The following FMN2 variants were observed in gnomAD, a reference collection of about 807,000 sequenced individuals.
FMN2 encodes the protein formin-2.
FMN2 carries 51 observed loss-of-function variants against 142.3 expected under a neutral mutation model. That is an observed-to-expected ratio of 0.36 (90% CI 0.29 to 0.45). The LOEUF (loss-of-function observed/expected upper bound fraction) is 0.45. Ranked by LOEUF, FMN2 falls within the 20% of genes least tolerant of loss-of-function variation. FMN2 has a pLI of 1.00. For synonymous variants in FMN2, 882 were observed against 869.8 expected (o/e 1.01, Z -0.25); for missense variants, 1,936 against 2,122.8 (o/e 0.91, Z 1.73).
intron 7 of FMN2, among the ~76,000 whole-genome samples, chr1:240,283,079 T>C (rs1669456237): frequency 6.6e-6 from 1 of 152,216 alleles, no homozygotes; most frequent in African/African-American, 2.4e-5. Flanking sequence ...CTATGCTTTA[T>C]TGAGTTTCAA....
At chr1:240,413,398 G>A (rs1674480006) in intron 15 of FMN2, among the ~76,000 whole-genome samples, 2 of 151,988 alleles carry the variant, frequency 1.3e-5, no homozygotes, top group African/African-American at 4.8e-5. Flanking sequence ...GAGAACTGAA[G>A]AGCATCCTGG....
At chr1:240,270,659 A>T (rs553475416) in intron 7 of FMN2, among the ~76,000 whole-genome samples, 5 of 152,230 alleles carry the variant, frequency 3.3e-5, no homozygotes, top group Admixed American at 6.6e-5. Flanking sequence ...AAATACAATT[A>T]AAAAACTAGG....
chr1:240,344,507 T>C (rs976140476), intron 13 of FMN2, among the ~76,000 whole-genome samples: 1 of 152,238 alleles, frequency 6.6e-6, no homozygotes, highest in Non-Finnish European at 1.5e-5. Flanking sequence ...AACATGTATG[T>C]GTACTCTATT....
chr1:240,248,027 C>G (rs1668136225), intron 6 of FMN2, among the ~76,000 whole-genome samples: 2 of 152,062 alleles, frequency 1.3e-5, no homozygotes. Flanking sequence ...TCACCCTCCT[C>G]TATCATTAGA....
chr1:240,103,937 T>C (rs146851906), intron 1 of FMN2, among the ~76,000 whole-genome samples: 2,370 of 151,864 alleles, frequency 0.016, 66 homozygotes, highest in African/African-American at 0.054. Context: ...AGTGCAGTGG[T>C]GCGATCTCGG....
At chr1:240,278,407 A>G (rs553764129) in intron 7 of FMN2, among the ~76,000 whole-genome samples, 1 of 152,268 alleles carries the variant, frequency 6.6e-6, no homozygotes, top group Admixed American at 6.5e-5. Flanking sequence ...AATACGATGA[A>G]GTCTGGGGAG....
chr1:240,134,610 C>A (rs527817132), intron 2 of FMN2, among the ~76,000 whole-genome samples: 5 of 152,018 alleles, frequency 3.3e-5, no homozygotes, highest in African/African-American at 1.2e-4. Flanking sequence ...TAGAGTGAGA[C>A]CCTGTCCCAC....
At chr1:240,170,972 G>A in intron 2 of FMN2, 1 of 792,372 alleles carries the variant, frequency 1.3e-6, no homozygotes, top group Non-Finnish European at 2.3e-6. Context: ...TCCTTTGAAT[G>A]TATTAGGAAT....
At chr1:240,210,967 C>G in intron 5 of FMN2, 124 bp from the exon 6 acceptor site, 1 of 800,028 alleles carries the variant, frequency 1.2e-6, no homozygotes, top group Non-Finnish European at 1.9e-6. Flanking sequence ...CTTCTTATCT[C>G]TCTTCTTTTT....
chr1:240,343,937 G>A (rs1225244498), intron 13 of FMN2, among the ~76,000 whole-genome samples: 1 of 152,142 alleles, frequency 6.6e-6, no homozygotes, highest in Non-Finnish European at 1.5e-5. Context: ...GGCATTTCAG[G>A]TAGAGGAAAT....
Position 240,134,522 on chromosome 1 carries a change from G to A in FMN2, c.1782+11177G>A, listed in dbSNP as rs149941585. Among the ~76,000 whole-genome samples, 1,365 of 152,200 alleles carry A rather than the reference G, an allele frequency of 9.0e-3. 22 individuals are homozygous for A. Among genetic ancestry groups the A allele is most frequent in the African/African-American group, 0.031 (1,284 of 41,504 alleles). ...CACCTGTAGTCCCAGCTATTGGAGA[G>A]GTGGGAGGATCACTTGAGCCTGGGA... On this transcript the variant is annotated intron_variant, in intron 2 of 17. Coordinates refer to ENST00000319653, the MANE Select transcript of FMN2 (RefSeq NM_020066.5).
At chr1:240,310,147 A>G (rs551893457) in intron 8 of FMN2, among the ~76,000 whole-genome samples, 289 of 152,358 alleles carry the variant, frequency 1.9e-3, no homozygotes, top group Non-Finnish European at 3.3e-3. Flanking sequence ...AAAAATAAAC[A>G]TATTTAAACT....
At chr1:240,109,830 A>G (rs1381245773) in intron 1 of FMN2, among the ~76,000 whole-genome samples, 1 of 152,166 alleles carries the variant, frequency 6.6e-6, no homozygotes, top group Non-Finnish European at 1.5e-5. Flanking sequence ...CTACAAGAGT[A>G]TGCCAGCTAC....
chr1:240,437,111 T>C (rs28736612), intron 15 of FMN2, among the ~76,000 whole-genome samples: 2 of 152,076 alleles, frequency 1.3e-5, no homozygotes, highest in Non-Finnish European at 2.9e-5. Context: ...ATGTTCTTTG[T>C]CAAATAACCA....
Position 240,473,742 on chromosome 1 carries a change from C to T in FMN2, c.5143-386C>T, listed in dbSNP as rs923474738. Among the ~76,000 whole-genome samples, 2 of 152,052 alleles carry T rather than the reference C, an allele frequency of 1.3e-5. No individual in the cohort carries two copies. The highest frequency in any genetic ancestry group is 2.9e-5 in the Non-Finnish European group (2 of 68,006). ...GGAGGAATAGTTACTTATTAGTGAA[C>T]CTCAATCTTGCTATTATGAGTACAG... On this transcript the variant is annotated intron_variant, in intron 17 of 17. Transcript: ENST00000319653. This position sits in a 1 kb window ranked among gnomAD's most constrained non-coding sequence, Gnocchi z 4.3.
In FMN2 at chr1:240,092,463, T is replaced by C; in HGVS notation, c.354T>C (p.Thr118=). ...GCGCTCACTCCCTGCTCACCAAGAC[T>C]CCAGACCTCAGCCTCTCGGCGGACG... ...LDSAHSLLTK[T]PDLSLSADEA... Residue 118 remains threonine (T), a synonymous_variant, in exon 1 of 18, where the codon ACT becomes ACC. Coordinates refer to ENST00000319653, the MANE Select transcript of FMN2 (RefSeq NM_020066.5). The C allele has an allele frequency of 2.5e-6, 4 of 1,609,408 alleles. No individual in the cohort carries two copies. Among genetic ancestry groups the C allele is most frequent in the Non-Finnish European group, 3.4e-6 (4 of 1,178,146 alleles).
At chr1:240,186,493 T>C (rs1348045214) in intron 3 of FMN2, among the ~76,000 whole-genome samples, 4 of 152,180 alleles carry the variant, frequency 2.6e-5, no homozygotes, top group Non-Finnish European at 5.9e-5. Flanking sequence ...GTATATGGTG[T>C]GATGATCCAG....
At chr1:240,227,456 A>T (rs1174328421) in intron 6 of FMN2, among the ~76,000 whole-genome samples, 2 of 152,178 alleles carry the variant, frequency 1.3e-5, no homozygotes, top group African/African-American at 4.8e-5. Context: ...AGACAAGCTA[A>T]TTTAAAAATT....
At chr1:240,322,428 G>A (rs958434456) in intron 8 of FMN2, among the ~76,000 whole-genome samples, 8 of 152,004 alleles carry the variant, frequency 5.3e-5, no homozygotes, top group African/African-American at 1.9e-4. Context: ...CCACGCAAAG[G>A]AATTTCTCTC....
Sources: gnomAD v4.1 joint callset for allele counts (sites outside exome capture counted in the v4.1 genomes callset) on GRCh38, gnomAD v4.1.1 for gene constraint, Gnocchi (gnomAD v3.1) non-coding constraint, MANE v1.5 for transcripts, NCBI Gene and HGNC (gene_info 2026-07-23, HGNC 2026-07-21) for gene names.